ALK: variants seen among roughly 807,000 people sequenced by gnomAD.
The protein encoded by ALK is ALK tyrosine kinase receptor.
In ALK, 74 loss-of-function variants were observed where a neutral mutation model predicts 163.1. The ratio of observed to expected loss-of-function variants is 0.45; its 90% CI spans 0.38 to 0.55. ALK has a LOEUF of 0.55. Among genes scored for constraint, ALK ranks in the 20% least tolerant of loss-of-function variants. The pLI, the probability that ALK is intolerant of heterozygous loss-of-function variation, is 0.00. For missense variants in ALK, 2,063 were observed against 2,105.3 expected, an observed-to-expected ratio of 0.98 and a Z score of 0.39; for synonymous variants, 960 against 843.2, an observed-to-expected ratio of 1.14 and a Z score of -2.40.
At chr2:29,340,475 A>G (rs1667756988) in intron 5 of ALK, among the ~76,000 whole-genome samples, 1 of 152,146 alleles carries the variant, frequency 6.6e-6, no homozygotes, top group Non-Finnish European at 1.5e-5. Context: ...AAAGCTACGC[A>G]GGAGGTCATC....
At chr2:29,696,530 T>TAAA (rs60320646) in intron 2 of ALK, among the ~76,000 whole-genome samples, 9 of 103,840 alleles carry the variant, frequency 8.7e-5, no homozygotes, top group African/African-American at 1.8e-4. Context: ...CTTAAAGGAT[T>TAAA]AAAAAAAAAA....
At chr2:29,218,811 A>ATCTC (rs1010056131) in intron 23 of ALK, among the ~76,000 whole-genome samples, 1 of 152,254 alleles carries the variant, frequency 6.6e-6, no homozygotes, top group African/African-American at 2.4e-5. Context: ...GCTGCTGAGA[A>ATCTC]TCTCAGGGCA....
rs138211989 is a variant in ALK at position 29,474,632 on chromosome 2, C to T, written c.1154+57283G>A. 7.8e-3 allele frequency among the ~76,000 whole-genome samples: 1,178 copies of T among 151,876 alleles called. 12 individuals are homozygous for T. Among genetic ancestry groups the T allele is most frequent in the African/African-American group, 0.027 (1,109 of 41,426 alleles). On this transcript the variant is annotated intron_variant, in intron 4 of 28. Coordinates refer to ENST00000389048, the MANE Select transcript of ALK (RefSeq NM_004304.5). Reference sequence around the variant, plus strand: ...GTAGATTTCCAGTTACCTTGTGTAACTAACTCTACAGAAATAATATCTGAA... The same window carrying T: ...GTAGATTTCCAGTTACCTTGTGTAATTAACTCTACAGAAATAATATCTGAA...
At chr2:29,459,140 G>C (rs1007376118) in intron 4 of ALK, among the ~76,000 whole-genome samples, 1 of 152,126 alleles carries the variant, frequency 6.6e-6, no homozygotes, top group Non-Finnish European at 1.5e-5. Context: ...GCAGCACACT[G>C]AAACTTGCAG....
At chr2:29,243,282 C>T (rs139248861) in intron 12 of ALK, among the ~76,000 whole-genome samples, 3 of 152,342 alleles carry the variant, frequency 2.0e-5, no homozygotes, top group Non-Finnish European at 4.4e-5. Context: ...TTGCTTACCT[C>T]TCCCCAGTCC....
Position 29,596,759 on chromosome 2 carries a change from G to A in ALK, c.953-64643C>T, listed in dbSNP as rs538568547. 3.9e-5 allele frequency among the ~76,000 whole-genome samples: 6 copies of A among 152,272 alleles called. No homozygotes were observed. The South Asian group carries it at 1.2e-3, about 32-fold the overall frequency. On this transcript the variant is annotated intron_variant, in intron 3 of 28. Coordinates refer to ENST00000389048, the MANE Select transcript of ALK (RefSeq NM_004304.5). ...CGTTGGCATGGTGGCAAGGGCTCTG[G>A]CCACTTGAGAATTCCCCTGGCAGGC... is the stretch of plus-strand genomic sequence containing the variant.
intron 11 of ALK, among the ~76,000 whole-genome samples, chr2:29,253,896 G>GA (rs768169089): frequency 1.1e-3 from 159 of 142,006 alleles, no homozygotes; most frequent in Admixed American, 2.2e-3. Context: ...AGATAGATAG[G>GA]TAGATAGCTG....
intron 4 of ALK, among the ~76,000 whole-genome samples, chr2:29,435,265 C>T (rs773125167): frequency 1.4e-4 from 22 of 152,040 alleles, no homozygotes; most frequent in Non-Finnish European, 2.9e-4. Flanking sequence ...ATTAAATTCC[C>T]CAGGAACCAT....
chr2:29,553,368 T>C (rs1370410874), intron 3 of ALK, among the ~76,000 whole-genome samples: 1 of 152,212 alleles, frequency 6.6e-6, no homozygotes, highest in Non-Finnish European at 1.5e-5. Context: ...ACTTTGCAGC[T>C]TCCAGAACTG....
At chr2:29,852,150 T>C (rs1171892939) in intron 1 of ALK, among the ~76,000 whole-genome samples, 2 of 152,212 alleles carry the variant, frequency 1.3e-5, no homozygotes, top group African/African-American at 4.8e-5. Context: ...GTTTATCCAA[T>C]GACCTGTGGC....
chr2:29,202,873 A>T (rs1306890357), intron 26 of ALK, among the ~76,000 whole-genome samples: 1 of 152,212 alleles, frequency 6.6e-6, no homozygotes, highest in East Asian at 1.9e-4. Context: ...GCAAGTGAAC[A>T]TCCAGCGCCC....
At chr2:29,307,666 G>A (rs1230011302) in intron 8 of ALK, among the ~76,000 whole-genome samples, 1 of 152,172 alleles carries the variant, frequency 6.6e-6, no homozygotes. Flanking sequence ...CAGTGTTTTT[G>A]TTCACCATCT....
chr2:29,428,286 CAG>C (rs922159179), intron 4 of ALK, among the ~76,000 whole-genome samples: 1 of 151,776 alleles, frequency 6.6e-6, no homozygotes, highest in African/African-American at 2.4e-5. Flanking sequence ...ATTAATAAAA[CAG>C]AGAATAGAAA....
chr2:29,559,423 A>T (rs1162218947), intron 3 of ALK, among the ~76,000 whole-genome samples: 1 of 152,248 alleles, frequency 6.6e-6, no homozygotes, highest in Admixed American at 6.5e-5. Context: ...ATTCTGCATC[A>T]CTGACAAATA....
intron 3 of ALK, among the ~76,000 whole-genome samples, chr2:29,583,035 G>GTTTTTTTTTTTTTTTTTTTT (rs10637189): frequency 9.3e-6 from 1 of 108,026 alleles, no homozygotes; most frequent in African/African-American, 3.3e-5. Context: ...GCTAACTTTT[G>GTTTTTTTTTTTTTTTTTTTT]TTTTTTGTTT....
At chr2:29,545,142 G>A (rs1369236889) in intron 3 of ALK, among the ~76,000 whole-genome samples, 1 of 152,188 alleles carries the variant, frequency 6.6e-6, no homozygotes, top group East Asian at 1.9e-4. Context: ...CTGGTCTCAA[G>A]CTCTTCTTTC....
intron 8 of ALK, among the ~76,000 whole-genome samples, chr2:29,304,371 C>T (rs1435412394): frequency 6.6e-6 from 1 of 151,980 alleles, no homozygotes; most frequent in African/African-American, 2.4e-5. Flanking sequence ...TGGCAGGTGC[C>T]TGTAGTCCCA....
At chr2:29,900,094 A>T (rs1210401837) in intron 1 of ALK, among the ~76,000 whole-genome samples, 1 of 152,266 alleles carries the variant, frequency 6.6e-6, no homozygotes, top group African/African-American at 2.4e-5. Context: ...ACCTGAGAGC[A>T]TTTTAAGGGG....
At chr2:29,473,460 G>A (rs1309476821) in intron 4 of ALK, among the ~76,000 whole-genome samples, 2 of 152,132 alleles carry the variant, frequency 1.3e-5, no homozygotes, top group South Asian at 2.1e-4. Flanking sequence ...CACAGATTTG[G>A]AGAAAATATC....
Sources: gnomAD v4.1 joint callset for allele counts (sites outside exome capture counted in the v4.1 genomes callset) on GRCh38, gnomAD v4.1.1 for gene constraint, MANE v1.5 for transcripts, NCBI Gene and HGNC (gene_info 2026-07-23, HGNC 2026-07-21) for gene names.